The following LUZP2 variants were observed in gnomAD, a reference collection of about 807,000 sequenced individuals.
LUZP2 encodes leucine zipper protein 2.
LUZP2 carries 52 observed loss-of-function variants against 51.6 expected under a neutral mutation model. The ratio of observed to expected loss-of-function variants is 1.01; its 90% confidence interval spans 0.81 to 1.27. The LOEUF (loss-of-function observed/expected upper bound fraction) is 1.27. LUZP2 is among the 50% of genes most tolerant of loss of function. The pLI, the probability that LUZP2 is intolerant of heterozygous loss-of-function variation, is 0.00. For missense variants in LUZP2, 436 were observed against 395.4 expected, an observed-to-expected ratio of 1.10 and a Z score of -0.87; for synonymous variants, 154 against 137.3, an observed-to-expected ratio of 1.12 and a Z score of -0.85.
intron 7 of LUZP2, among the ~76,000 whole-genome samples, chr11:24,927,378 T>G (rs1180230473): frequency 6.6e-6 from 1 of 152,236 alleles, no homozygotes; most frequent in African/African-American, 2.4e-5. Context: ...CCTCTAGAAT[T>G]TTTATGGCTT....
intron 9 of LUZP2, among the ~76,000 whole-genome samples, chr11:25,040,343 A>ATTTTTTTTTGTTTTTTTTTTTTTTTTT (rs1858012561): frequency 1.0e-5 from 1 of 98,826 alleles, no homozygotes; most frequent in African/African-American, 5.8e-5. Flanking sequence ...TTTCTTTCCG[A>ATTTTTTTTTGTTTTTTTTTTTTTTTTT]TTTTTTTTTT....
Position 24,738,071 on chromosome 11 carries a change from C to G in LUZP2, c.252-150C>G, listed in dbSNP as rs1859008154. The G allele has an allele frequency of 1.5e-5, 7 of 473,098 alleles. No homozygotes were observed. The South Asian group carries it at 2.9e-4, about 20-fold the overall frequency. 29.3% of individuals were successfully genotyped at this position (473,098 alleles called of 1,614,324 possible). A position where few individuals can be genotyped will look rare whatever the true frequency, so the allele number is the denominator to read the frequency against. On this transcript the variant is annotated intron_variant, in intron 3 of 11. Coordinates refer to ENST00000336930, the MANE Select transcript of LUZP2 (RefSeq NM_001009909.4). ...GCCTTTTATTACCAGAATCTTTAGACACATCCTGTATGCTTAACTGTGGCT... is the reference window on the plus strand; with the variant it reads ...GCCTTTTATTACCAGAATCTTTAGAGACATCCTGTATGCTTAACTGTGGCT...
At chr11:24,714,463 T>C (rs537880316) in intron 1 of LUZP2, among the ~76,000 whole-genome samples, 1 of 152,262 alleles carries the variant, frequency 6.6e-6, no homozygotes, top group Admixed American at 6.5e-5. Flanking sequence ...TGGGAAAGTG[T>C]ATGCCAAGAA....
intron 7 of LUZP2, among the ~76,000 whole-genome samples, chr11:24,921,150 G>T (rs1854040143): frequency 1.3e-5 from 2 of 151,980 alleles, no homozygotes; most frequent in South Asian, 4.2e-4. Context: ...GGAATGAAAA[G>T]TTTAATAGGC....
chr11:24,904,459 A>G (rs1307170424), intron 5 of LUZP2, among the ~76,000 whole-genome samples: 1 of 151,388 alleles, frequency 6.6e-6, no homozygotes, highest in Non-Finnish European at 1.5e-5. Context: ...ATTTTTTTGT[A>G]TTTTTAGTAG....
At chr11:24,542,081 T>C (rs1233027613) in intron 1 of LUZP2, among the ~76,000 whole-genome samples, 1 of 152,064 alleles carries the variant, frequency 6.6e-6, no homozygotes, top group Non-Finnish European at 1.5e-5. Flanking sequence ...TGCCAAAAAA[T>C]GTTTCCCTAA....
intron 7 of LUZP2, among the ~76,000 whole-genome samples, chr11:24,964,210 T>G (rs1410158039): frequency 6.6e-6 from 1 of 152,174 alleles, no homozygotes; most frequent in African/African-American, 2.4e-5. Context: ...CTCTTAGGAT[T>G]AATGAGAATA....
chr11:24,796,392 T>C (rs1329932456), intron 5 of LUZP2, among the ~76,000 whole-genome samples: 1 of 152,068 alleles, frequency 6.6e-6, no homozygotes, highest in Admixed American at 6.6e-5. Context: ...ACGTTATTAT[T>C]AACCACAAAC....
chr11:24,497,367 C>T, intron 1 of LUZP2, 62 bp downstream of exon 1: 2 of 1,309,420 alleles, frequency 1.5e-6, no homozygotes, highest in Non-Finnish European at 2.0e-6. Flanking sequence ...GTTGGTCCTA[C>T]TGTGGGTCAC....
chr11:25,049,955 A>C, intron 9 of LUZP2, 83 bp from the exon 10 acceptor site: 3 of 687,348 alleles, frequency 4.4e-6, no homozygotes, highest in Non-Finnish European at 6.9e-6. Flanking sequence ...TGTTACAATA[A>C]AACGATTTGG....
intron 9 of LUZP2, among the ~76,000 whole-genome samples, chr11:25,048,393 A>G (rs979202392): frequency 6.6e-6 from 1 of 152,140 alleles, no homozygotes; most frequent in African/African-American, 2.4e-5. Context: ...TTCTTTTAAA[A>G]TATACACAAG....
chr11:24,864,356 A>AT (rs763586450), intron 5 of LUZP2, among the ~76,000 whole-genome samples: 4 of 152,194 alleles, frequency 2.6e-5, no homozygotes, highest in Admixed American at 6.5e-5. Flanking sequence ...GAAATAAGGG[A>AT]TTTTTTGTGC....
chr11:24,595,026 C>T (rs369725442), intron 1 of LUZP2, among the ~76,000 whole-genome samples: 52 of 152,098 alleles, frequency 3.4e-4, no homozygotes, highest in African/African-American at 1.2e-3. Flanking sequence ...TCCCAAAATG[C>T]TGGGATTACA....
chr11:24,918,520 G>T (rs1247154394), intron 7 of LUZP2, among the ~76,000 whole-genome samples: 1 of 151,736 alleles, frequency 6.6e-6, no homozygotes, highest in Non-Finnish European at 1.5e-5. Flanking sequence ...AGTGCTTCAT[G>T]CTAAAAACTC....
At chr11:24,920,795 T>C (rs1048694552) in intron 7 of LUZP2, among the ~76,000 whole-genome samples, 1 of 151,364 alleles carries the variant, frequency 6.6e-6, no homozygotes, top group African/African-American at 2.4e-5. Flanking sequence ...CTCAGAAGGG[T>C]TGTGGGGAAG....
rs1158935544 is a variant in LUZP2 at position 24,826,190 on chromosome 11, A to AATAT, written c.396+62898_396+62901dup. Among the ~76,000 whole-genome samples, 71 of 67,548 alleles carry AATAT rather than the reference A, an allele frequency of 1.1e-3. 1 individual carries two copies. Among genetic ancestry groups the AATAT allele is most frequent in the African/African-American group, 3.8e-3 (64 of 16,988 alleles). The allele number at this position is 67,548 out of a possible 152,430, so 44.3% of individuals were successfully genotyped here. On this transcript the variant is annotated intron_variant, in intron 5 of 11. Transcript: ENST00000336930. The stretch of plus-strand genomic sequence containing the variant: ...GACTCCATCTCAAAAAAAAAAAAAA[A>AATAT]ATATATATATATATATATAGTAAAA...
At chr11:24,674,078 G>T (rs1046494732) in intron 1 of LUZP2, among the ~76,000 whole-genome samples, 1 of 152,104 alleles carries the variant, frequency 6.6e-6, no homozygotes, top group African/African-American at 2.4e-5. Context: ...GATGAGAACT[G>T]CCATTTATCA....
At chr11:24,708,963 T>A (rs1284965558) in intron 1 of LUZP2, among the ~76,000 whole-genome samples, 1 of 152,196 alleles carries the variant, frequency 6.6e-6, no homozygotes, top group Non-Finnish European at 1.5e-5. Flanking sequence ...TTTCACACTT[T>A]AAATTACCCA....
At chr11:24,945,384 A>G (rs1027607941) in intron 7 of LUZP2, among the ~76,000 whole-genome samples, 3 of 152,118 alleles carry the variant, frequency 2.0e-5, no homozygotes, top group African/African-American at 7.2e-5. Context: ...ACATTCTTAC[A>G]TTCATTGTGT....
Sources: gnomAD v4.1 joint callset for allele counts (sites outside exome capture counted in the v4.1 genomes callset) on GRCh38, gnomAD v4.1.1 for gene constraint, MANE v1.5 for transcripts, NCBI Gene and HGNC (gene_info 2026-07-23, HGNC 2026-07-21) for gene names.